Variants in ATF2 observed in about 807,000 individuals in gnomAD.
ATF2 encodes the protein activating transcription factor 2.
A neutral mutation model predicts 60.6 loss-of-function variants in ATF2; 24 were observed. That is an observed-to-expected ratio of 0.40 (90% CI 0.29 to 0.56). The LOEUF is 0.56. Ranked by LOEUF, ATF2 falls within the 20% of genes least tolerant of loss-of-function variation. The probability of loss-of-function intolerance (pLI) is 0.54; values close to 1 mark genes in which losing one functional copy is unlikely to be tolerated. For synonymous variants in ATF2, 206 were observed against 215.4 expected (o/e 0.96, Z 0.38); for missense variants, 433 against 607.7 (o/e 0.71, Z 3.02).
intron 2 of ATF2, among the ~76,000 whole-genome samples, chr2:175,144,409 T>C (rs1374390185): frequency 6.6e-6 from 1 of 152,108 alleles, no homozygotes; most frequent in Admixed American, 6.6e-5. Flanking sequence ...ACAGGCTCAT[T>C]ACCAAATGGA....
At chr2:175,136,189 T>G (rs1421856729) in intron 3 of ATF2, among the ~76,000 whole-genome samples, 9 of 152,100 alleles carry the variant, frequency 5.9e-5, no homozygotes, top group Non-Finnish European at 1.0e-4. Context: ...AATCAAAACC[T>G]TAAAACATGT....
chr2:175,100,498 C>T (rs1471322355), intron 10 of ATF2, among the ~76,000 whole-genome samples: 1 of 152,138 alleles, frequency 6.6e-6, no homozygotes, highest in African/African-American at 2.4e-5. Context: ...GACTCTCCTC[C>T]CCATCTAATT....
At chr2:175,087,096 T>G (rs1388102686) in intron 12 of ATF2, among the ~76,000 whole-genome samples, 2 of 152,150 alleles carry the variant, frequency 1.3e-5, no homozygotes, top group Non-Finnish European at 2.9e-5. Flanking sequence ...CTCTTACTAT[T>G]TTGTGGATTA....
intron 10 of ATF2, among the ~76,000 whole-genome samples, chr2:175,103,683 A>T (rs1363284338): frequency 4.0e-5 from 6 of 151,862 alleles, no homozygotes. Context: ...ATCTTAAAAA[A>T]AAAAAAAAAA....
intron 12 of ATF2, among the ~76,000 whole-genome samples, chr2:175,086,044 T>C (rs1694148031): frequency 6.6e-6 from 1 of 152,308 alleles, no homozygotes; most frequent in Non-Finnish European, 1.5e-5. Flanking sequence ...ACCAATTTTT[T>C]CCACTACACC....
At chr2:175,095,948 T>C (rs1040278753) in intron 11 of ATF2, among the ~76,000 whole-genome samples, 1 of 152,206 alleles carries the variant, frequency 6.6e-6, no homozygotes, top group African/African-American at 2.4e-5. Context: ...TTAACACATA[T>C]ACACAATCAC....
chr2:175,080,792 T>C, intron 12 of ATF2, 27 bp from the exon 13 acceptor site: 1 of 1,537,134 alleles, frequency 6.5e-7, no homozygotes. Context: ...TTATGTACCT[T>C]ACCACAGACT....
intron 1 of ATF2, among the ~76,000 whole-genome samples, chr2:175,163,522 C>T (rs1421229614): frequency 1.3e-5 from 2 of 152,012 alleles, no homozygotes; most frequent in African/African-American, 2.4e-5. Flanking sequence ...GGCTGAGAAC[C>T]ACTATCTTTG....
chr2:175,087,824 G>A (rs1014297466), intron 12 of ATF2, among the ~76,000 whole-genome samples: 1 of 152,084 alleles, frequency 6.6e-6, no homozygotes, highest in East Asian at 1.9e-4. Flanking sequence ...AAAGACAAGA[G>A]TTCTCACTAG....
In ATF2 at chr2:175,086,324, A is replaced by G. The variant is rs116359421; in HGVS notation, c.1186-5559T>C. The stretch of plus-strand genomic sequence containing the variant: ...AGCAAATGAGACACAATTACTGGCT[A>G]GGAATTGGGACTGAGAGAAATACTG... On this transcript the variant is annotated intron_variant, in intron 12 of 13. Coordinates refer to ENST00000264110, the MANE Select transcript of ATF2 (RefSeq NM_001880.4). 6.8e-3 allele frequency among the ~76,000 whole-genome samples: 1,032 copies of G among 152,290 alleles called. 11 individuals carry two copies. Among genetic ancestry groups the G allele is most frequent in the African/African-American group, 0.023 (976 of 41,574 alleles).
In ATF2 at chr2:175,151,182, A is replaced by G. The variant is rs373128035; in HGVS notation, c.-142-24T>C. 8 of 152,490 alleles carry G rather than the reference A, an allele frequency of 5.2e-5. No individual in the cohort carries two copies. The South Asian group carries it at 1.4e-3, about 28-fold the overall frequency. The allele number at this position is 152,490 out of a possible 1,614,324, so 9.4% of individuals were successfully genotyped here. On this transcript the variant is annotated intron_variant, in intron 1 of 13. Coordinates refer to ENST00000264110, the MANE Select transcript of ATF2 (RefSeq NM_001880.4). ...CCCTTAGGGAAAAAGAGAGGCAGAA[A>G]AGAGTGAACTTATTACCATGTGGGA... is the stretch of plus-strand genomic sequence containing the variant.
intron 1 of ATF2, among the ~76,000 whole-genome samples, chr2:175,153,237 A>T (rs904282084): frequency 6.6e-6 from 1 of 152,238 alleles, no homozygotes; most frequent in African/African-American, 2.4e-5. Context: ...TGAAAGGCAC[A>T]GATGTAAGGA....
chr2:175,123,585 A>G (rs1261778784), intron 4 of ATF2, among the ~76,000 whole-genome samples: 1 of 152,106 alleles, frequency 6.6e-6, no homozygotes, highest in African/African-American at 2.4e-5. Flanking sequence ...AATAAATAAC[A>G]TTGTGTTCGT....
At chr2:175,129,866 T>G (rs1697603777) in intron 4 of ATF2, among the ~76,000 whole-genome samples, 1 of 152,084 alleles carries the variant, frequency 6.6e-6, no homozygotes, top group Non-Finnish European at 1.5e-5. Context: ...AATTATACTT[T>G]TATATCTTGG....
At chr2:175,167,417 G>A (rs1306805906) in intron 1 of ATF2, among the ~76,000 whole-genome samples, 1 of 151,842 alleles carries the variant, frequency 6.6e-6, no homozygotes, top group Non-Finnish European at 1.5e-5. Flanking sequence ...GGGATTGTGA[G>A]GGTGGCGGAA....
chr2:175,108,747 G>A (rs1695944063), intron 10 of ATF2, among the ~76,000 whole-genome samples: 2 of 152,046 alleles, frequency 1.3e-5, no homozygotes, highest in African/African-American at 2.4e-5. Flanking sequence ...GGGGAAAGGT[G>A]GGGAAAAGAT....
At chr2:175,109,854 G>C (rs927343068) in intron 10 of ATF2, among the ~76,000 whole-genome samples, 2 of 152,166 alleles carry the variant, frequency 1.3e-5, no homozygotes, top group African/African-American at 4.8e-5. Flanking sequence ...GCTCTGACCT[G>C]AACATACTAT....
intron 11 of ATF2, among the ~76,000 whole-genome samples, chr2:175,096,963 T>A (rs1448445534): frequency 6.6e-6 from 1 of 152,208 alleles, no homozygotes; most frequent in Non-Finnish European, 1.5e-5. Flanking sequence ...ATATCTAGTG[T>A]TAATAGTTAC....
chr2:175,135,095 C>G, intron 3 of ATF2, among the ~76,000 whole-genome samples: 1 of 150,238 alleles, frequency 6.7e-6, no homozygotes, highest in Non-Finnish European at 1.5e-5. Context: ...ATTAACCAGG[C>G]ATGGAGAAGG....
Sources: gnomAD v4.1 joint callset for allele counts (sites outside exome capture counted in the v4.1 genomes callset) on GRCh38, gnomAD v4.1.1 for gene constraint, MANE v1.5 for transcripts, NCBI Gene and HGNC (gene_info 2026-07-23, HGNC 2026-07-21) for gene names.